AJAP1: variants seen among roughly 807,000 people sequenced by gnomAD.
AJAP1 encodes the protein adherens junction-associated protein 1.
In AJAP1, 5 loss-of-function variants were observed where a neutral mutation model predicts 35.0. That is an observed-to-expected ratio of 0.14 (90% CI 0.07 to 0.30). AJAP1 has a LOEUF of 0.30. Ranked by LOEUF, AJAP1 falls within the 10% of genes least tolerant of loss-of-function variation. The pLI is 1.00. For missense variants in AJAP1, 586 were observed against 571.0 expected (o/e 1.03, Z -0.27); for synonymous variants, 284 against 249.3 (o/e 1.14, Z -1.31).
At chr1:4,771,789 A>G (rs1641841500) in intron 3 of AJAP1, among the ~76,000 whole-genome samples, 1 of 152,182 alleles carries the variant, frequency 6.6e-6, no homozygotes, top group African/African-American at 2.4e-5. Context: ...GGCTGAGGAC[A>G]GGGGCTTTCT....
chr1:4,717,523 G>T (rs577052826), intron 2 of AJAP1, among the ~76,000 whole-genome samples: 2 of 152,340 alleles, frequency 1.3e-5, no homozygotes, highest in South Asian at 4.1e-4. Flanking sequence ...TGGCTCAGAT[G>T]TCTTCCAAGT....
In AJAP1 at chr1:4,720,744, G is replaced by A. The variant is rs1224486190; in HGVS notation, c.829+8045G>A. Among the ~76,000 whole-genome samples, 1 of 152,202 alleles carries A rather than the reference G, an allele frequency of 6.6e-6. No individual in the cohort carries two copies. Among genetic ancestry groups the A allele is most frequent in the Non-Finnish European group, 1.5e-5 (1 of 68,024 alleles). ...CCAGGGTAATCGAATGGTGTTTGTGGTGGGAAAATGCCATTTGCTTTCTGT... is the reference window on the plus strand; with the variant it reads ...CCAGGGTAATCGAATGGTGTTTGTGATGGGAAAATGCCATTTGCTTTCTGT... On this transcript the variant is annotated intron_variant, in intron 2 of 5. Transcript: ENST00000378191. This position sits in a 1 kb window ranked among gnomAD's most constrained non-coding sequence, Gnocchi z 4.4.
intron 1 of AJAP1, among the ~76,000 whole-genome samples, chr1:4,701,123 G>A (rs893422651): frequency 5.3e-5 from 8 of 152,238 alleles, no homozygotes; most frequent in Non-Finnish European, 4.4e-5. Context: ...ACCTGCGAAG[G>A]CTGTCGAGCA....
At chr1:4,691,290 A>G (rs1437619570) in intron 1 of AJAP1, among the ~76,000 whole-genome samples, 1 of 152,040 alleles carries the variant, frequency 6.6e-6, no homozygotes, top group Admixed American at 6.5e-5. Flanking sequence ...GGACCAGGCC[A>G]CCTTCTCCCA....
chr1:4,719,654 G>A (rs1372580564), intron 2 of AJAP1, among the ~76,000 whole-genome samples: 2 of 152,234 alleles, frequency 1.3e-5, no homozygotes, highest in East Asian at 1.9e-4. Flanking sequence ...CAGTTTCTTG[G>A]CCTCTGGAAC....
At chr1:4,748,859 A>G (rs890600318) in intron 2 of AJAP1, among the ~76,000 whole-genome samples, 6 of 152,094 alleles carry the variant, frequency 3.9e-5, no homozygotes, top group African/African-American at 1.4e-4. Context: ...ATGCAGCAAA[A>G]GGCACCATCT....
chr1:4,747,230 A>G (rs1049261069), intron 2 of AJAP1, among the ~76,000 whole-genome samples: 10 of 152,034 alleles, frequency 6.6e-5, no homozygotes, highest in Non-Finnish European at 1.5e-4. Flanking sequence ...GGCTCTGTGC[A>G]TGTCCTGACT....
intron 1 of AJAP1, among the ~76,000 whole-genome samples, chr1:4,686,866 C>G (rs1431866195): frequency 6.6e-6 from 1 of 152,192 alleles, no homozygotes; most frequent in Non-Finnish European, 1.5e-5. Context: ...CTGATGCACT[C>G]ACTTTTATTA....
chr1:4,774,608 C>T, intron 5 of AJAP1, 50 bp downstream of exon 5: 1 of 1,025,476 alleles, frequency 9.8e-7, no homozygotes. Flanking sequence ...TTCCTCCCCT[C>T]CCCACTGCCC....
intron 2 of AJAP1, among the ~76,000 whole-genome samples, chr1:4,743,204 T>A (rs1053029005): frequency 6.6e-6 from 1 of 152,018 alleles, no homozygotes; most frequent in Non-Finnish European, 1.5e-5. Flanking sequence ...CCCCACAGAG[T>A]GATTTTGGCT....
intron 2 of AJAP1, among the ~76,000 whole-genome samples, chr1:4,749,960 G>A (rs1257883550): frequency 6.6e-6 from 1 of 152,108 alleles, no homozygotes; most frequent in East Asian, 1.9e-4. Context: ...ATTCATGTGT[G>A]TGTATGTTTG....
intron 1 of AJAP1, among the ~76,000 whole-genome samples, chr1:4,696,549 T>G (rs905028465): frequency 6.6e-6 from 1 of 152,216 alleles, no homozygotes; most frequent in Non-Finnish European, 1.5e-5. Flanking sequence ...GCATCTGCTC[T>G]AGACACTCCA....
At chr1:4,732,120 T>C (rs1415214437) in intron 2 of AJAP1, among the ~76,000 whole-genome samples, 1 of 152,236 alleles carries the variant, frequency 6.6e-6, no homozygotes, top group Non-Finnish European at 1.5e-5. Context: ...CTTAGGTCTC[T>C]GAATGTTCAT....
At chr1:4,717,252 C>T (rs1327112726) in intron 2 of AJAP1, among the ~76,000 whole-genome samples, 1 of 152,206 alleles carries the variant, frequency 6.6e-6, no homozygotes, top group Non-Finnish European at 1.5e-5. Flanking sequence ...ATACCTGGGG[C>T]AGGAGTGCTT....
chr1:4,773,950 A>G (rs1641892526), intron 4 of AJAP1, among the ~76,000 whole-genome samples: 1 of 152,206 alleles, frequency 6.6e-6, no homozygotes, highest in Non-Finnish European at 1.5e-5. Context: ...TTTTGGCCCA[A>G]GGTCATGCTC....
rs1217234051 is a variant in AJAP1 at position 4,655,062 on chromosome 1, G to A, written c.-364G>A. ...CTCCCTCCTCGCCGCCCCGGAGGGCGAAGCCGCGGCTCCCCAGCCCTTTGC... is the reference window on the plus strand; with the variant it reads ...CTCCCTCCTCGCCGCCCCGGAGGGCAAAGCCGCGGCTCCCCAGCCCTTTGC... On this transcript the variant is annotated 5_prime_UTR_variant, in exon 1 of 6. Coordinates refer to ENST00000378191, the MANE Select transcript of AJAP1 (RefSeq NM_018836.4). The surrounding 1 kb of genome is among the most constrained non-coding windows in gnomAD (Gnocchi z 6.9). 6.6e-6 allele frequency: 1 copy of A among 150,706 alleles called. No individual in the cohort carries two copies. 9.3% of individuals were successfully genotyped at this position (150,706 alleles called of 1,614,324 possible). A position where few individuals can be genotyped will look rare whatever the true frequency, so the allele number is the denominator to read the frequency against.
chr1:4,678,182 G>A (rs974760881), intron 1 of AJAP1, among the ~76,000 whole-genome samples: 2 of 152,180 alleles, frequency 1.3e-5, no homozygotes, highest in Non-Finnish European at 2.9e-5. Flanking sequence ...ATTCCTTTGG[G>A]TGCAGTTGAA....
At chr1:4,776,013 A>G (rs1371147202) in intron 5 of AJAP1, among the ~76,000 whole-genome samples, 1 of 152,190 alleles carries the variant, frequency 6.6e-6, no homozygotes, top group Non-Finnish European at 1.5e-5. Context: ...CATCTCTGTT[A>G]TGATTTTTAA....
intron 2 of AJAP1, among the ~76,000 whole-genome samples, chr1:4,758,486 G>A (rs1641489292): frequency 6.6e-6 from 1 of 152,186 alleles, no homozygotes; most frequent in East Asian, 1.9e-4. Context: ...TTCACAAGGT[G>A]GCAGGAAGGA....
Sources: gnomAD v4.1 joint callset for allele counts (sites outside exome capture counted in the v4.1 genomes callset) on GRCh38, gnomAD v4.1.1 for gene constraint, Gnocchi (gnomAD v3.1) non-coding constraint, MANE v1.5 for transcripts, NCBI Gene and HGNC (gene_info 2026-07-23, HGNC 2026-07-21) for gene names.